Variants in DOCK5 observed in about 807,000 individuals in gnomAD.
DOCK5 encodes dedicator of cytokinesis 5, also known as dedicator of cytokinesis protein 5.
DOCK5 carries 142 observed loss-of-function variants against 251.8 expected under a neutral mutation model. The observed-to-expected ratio is 0.56, with a 90% CI of 0.49 to 0.65. The LOEUF is 0.65. Among genes scored for constraint, DOCK5 ranks in the 30% least tolerant of loss-of-function variants. DOCK5 has a pLI of 0.00. For missense variants in DOCK5, 2,111 were observed against 2,312.3 expected (o/e 0.91, Z 1.79); for synonymous variants, 842 against 835.5 (o/e 1.01, Z -0.13).
At chr8:25,235,901 G>A (rs1421971289) in intron 1 of DOCK5, among the ~76,000 whole-genome samples, 3 of 148,522 alleles carry the variant, frequency 2.0e-5, no homozygotes, top group South Asian at 2.1e-4. Flanking sequence ...AGATTCAAGC[G>A]ATTCTCATGC....
chr8:25,297,588 C>T (rs1804650098), intron 7 of DOCK5, among the ~76,000 whole-genome samples: 1 of 152,160 alleles, frequency 6.6e-6, no homozygotes, highest in South Asian at 2.1e-4. Flanking sequence ...GGAGTTTCAC[C>T]ATATTGGTCA....
At chr8:25,262,140 G>A (rs564382557) in intron 2 of DOCK5, among the ~76,000 whole-genome samples, 1 of 152,222 alleles carries the variant, frequency 6.6e-6, no homozygotes, top group South Asian at 2.1e-4. Context: ...TAGGATAAGT[G>A]TACGTTTAAC....
At chr8:25,404,413 G>T (rs924032931) in intron 48 of DOCK5, among the ~76,000 whole-genome samples, 1 of 152,098 alleles carries the variant, frequency 6.6e-6, no homozygotes, top group African/African-American at 2.4e-5. Context: ...CTTGGGGCCC[G>T]AAGTGTTTTG....
intron 2 of DOCK5, among the ~76,000 whole-genome samples, chr8:25,249,009 C>CT (rs1368328534): frequency 2.0e-5 from 3 of 151,774 alleles, no homozygotes; most frequent in African/African-American, 7.3e-5. Context: ...TTTTATTTAT[C>CT]TTTTTTTTAG....
chr8:25,360,754 A>G (rs1800663188), intron 28 of DOCK5, among the ~76,000 whole-genome samples: 1 of 152,182 alleles, frequency 6.6e-6, no homozygotes, highest in Non-Finnish European at 1.5e-5. Flanking sequence ...ATTGCTATAT[A>G]AAGTAAAATT....
chr8:25,410,996 CACGCACGCGT>C (rs1213788721), intron 51 of DOCK5, among the ~76,000 whole-genome samples, 188 bp from the exon 52 acceptor site: 84 of 127,674 alleles, frequency 6.6e-4, no homozygotes, highest in African/African-American at 2.1e-3. Context: ...CGCACGCACG[CACGCACGCGT>C]GTGTCTGATT....
intron 23 of DOCK5, 29 bp downstream of exon 23, chr8:25,341,017 T>G: frequency 1.3e-6 from 2 of 1,558,156 alleles, no homozygotes; most frequent in South Asian, 1.2e-5. Flanking sequence ...TGGGTAACTC[T>G]TCTTAGGCTG....
At chr8:25,331,952 A>G (rs1182770185) in intron 18 of DOCK5, among the ~76,000 whole-genome samples, 3 of 152,088 alleles carry the variant, frequency 2.0e-5, no homozygotes, top group African/African-American at 7.2e-5. Flanking sequence ...TTACATTAGC[A>G]TGCTTCTTAG....
Position 25,264,142 on chromosome 8 carries a change from C to T in DOCK5, c.128-4703C>T, listed in dbSNP as rs754518758. On this transcript the variant is annotated intron_variant, in intron 2 of 51. Coordinates refer to ENST00000276440, the MANE Select transcript of DOCK5 (RefSeq NM_024940.8). ...CTTTGGGAGGTCTAGGCAGGCGAAC[C>T]GCTTGAGTCCAGGAGTCCGAGACCA... Among the ~76,000 whole-genome samples the T allele has an allele frequency of 8.0e-4, 121 of 151,788 alleles. 1 individual carries two copies. Among genetic ancestry groups the T allele is most frequent in the Middle Eastern group, 3.4e-3 (1 of 294 alleles).
At chr8:25,381,585 G>A (rs945544586) in intron 39 of DOCK5, among the ~76,000 whole-genome samples, 1 of 151,336 alleles carries the variant, frequency 6.6e-6, no homozygotes, top group African/African-American at 2.4e-5. Flanking sequence ...CTGTAATCAT[G>A]CTACTGCACT....
At chr8:25,254,793 C>CAAAAAAAAAAA (rs1396748365) in intron 2 of DOCK5, among the ~76,000 whole-genome samples, 1 of 76,212 alleles carries the variant, frequency 1.3e-5, no homozygotes, top group Non-Finnish European at 2.2e-5. Flanking sequence ...CAAAACAAAA[C>CAAAAAAAAAAA]AAAAAAAAAA....
At chr8:25,336,106 G>A in intron 21 of DOCK5, 133 bp from the exon 22 acceptor site, 2 of 981,088 alleles carry the variant, frequency 2.0e-6, no homozygotes, top group Non-Finnish European at 2.9e-6. Flanking sequence ...TGCTGTTCAG[G>A]GCATATTCTA....
intron 5 of DOCK5, among the ~76,000 whole-genome samples, chr8:25,285,015 G>A (rs893382513): frequency 2.0e-5 from 3 of 152,182 alleles, no homozygotes; most frequent in Non-Finnish European, 2.9e-5. Flanking sequence ...GTGAATTGTG[G>A]TCAATCGGGC....
intron 47 of DOCK5, among the ~76,000 whole-genome samples, chr8:25,401,319 A>G (rs1801434712): frequency 6.6e-6 from 1 of 152,212 alleles, no homozygotes; most frequent in South Asian, 2.1e-4. Flanking sequence ...CTGAGCCATC[A>G]TAACCCTGGA....
chr8:25,352,172 C>T (rs1800481413), intron 27 of DOCK5, among the ~76,000 whole-genome samples: 1 of 136,754 alleles, frequency 7.3e-6, no homozygotes, highest in Non-Finnish European at 1.5e-5. Flanking sequence ...GTGATTGCAC[C>T]ATTGCATCCT....
intron 2 of DOCK5, among the ~76,000 whole-genome samples, chr8:25,248,856 C>T (rs1477672486): frequency 6.6e-6 from 1 of 152,018 alleles, no homozygotes; most frequent in African/African-American, 2.4e-5. Flanking sequence ...GTAAGGGGGT[C>T]AGGGGTCACC....
intron 2 of DOCK5, among the ~76,000 whole-genome samples, chr8:25,257,640 G>A (rs1201658014): frequency 6.6e-6 from 1 of 152,072 alleles, no homozygotes; most frequent in African/African-American, 2.4e-5. Flanking sequence ...ACACAAACTT[G>A]CCACTCTTAC....
chr8:25,399,875 G>A, intron 45 of DOCK5, 36 bp from the exon 46 acceptor site: 2 of 1,511,282 alleles, frequency 1.3e-6, no homozygotes, highest in South Asian at 1.2e-5. Flanking sequence ...AGATAGGAAT[G>A]TGTTCTAATT....
intron 22 of DOCK5, among the ~76,000 whole-genome samples, 199 bp from the exon 23 acceptor site, chr8:25,340,678 G>A (rs1234191539): frequency 6.6e-6 from 1 of 152,194 alleles, no homozygotes; most frequent in Non-Finnish European, 1.5e-5. Flanking sequence ...TTTGTAGGCT[G>A]GGTTGGGGAT....
Sources: gnomAD v4.1 joint callset for allele counts (sites outside exome capture counted in the v4.1 genomes callset) on GRCh38, gnomAD v4.1.1 for gene constraint, MANE v1.5 for transcripts, NCBI Gene and HGNC (gene_info 2026-07-23, HGNC 2026-07-21) for gene names.